The following EIF4E2 variants were observed in gnomAD, a reference collection of about 807,000 sequenced individuals.
The protein encoded by EIF4E2 is eukaryotic translation initiation factor 4E type 2.
Under a neutral mutation model 34.2 loss-of-function variants are expected in EIF4E2, and 13 were observed. The observed-to-expected ratio is 0.38, with a 90% CI of 0.25 to 0.60. The LOEUF (loss-of-function observed/expected upper bound fraction) is 0.60, where lower values mean the gene tolerates loss of function less well. EIF4E2 is among the 20% of genes least tolerant of loss of function. The pLI is 0.62. For synonymous variants in EIF4E2, 100 were observed against 106.6 expected, an observed-to-expected ratio of 0.94 and a Z score of 0.38; for missense variants, 222 against 315.1, an observed-to-expected ratio of 0.70 and a Z score of 2.24.
chr2:232,581,058 G>A lies in EIF4E2; in HGVS notation c.*115G>A, dbSNP rs543658722. Reference sequence around the variant, plus strand: ...CTGAAGGGACGTCCCTGAGCCGTGCGCTCTCCTTTTGCACTCATTCCTGGA... The same window carrying A: ...CTGAAGGGACGTCCCTGAGCCGTGCACTCTCCTTTTGCACTCATTCCTGGA... On this transcript the variant is annotated 3_prime_UTR_variant, in exon 7 of 7. Coordinates refer to the EIF4E2 transcript ENST00000409098. The surrounding 1 kb of genome is among the most constrained non-coding windows in gnomAD (Gnocchi z 5.2). 651 of 1,053,908 alleles carry A rather than the reference G, an allele frequency of 6.2e-4. 1 individual carries two copies. The highest frequency in any genetic ancestry group is 8.5e-4 in the Non-Finnish European group (592 of 694,018). 65.3% of individuals were successfully genotyped at this position (1,053,908 alleles called of 1,614,324 possible).
At chr2:232,562,346 C>T (rs139617421) in intron 3 of EIF4E2, among the ~76,000 whole-genome samples, 6,488 of 152,180 alleles carry the variant, frequency 0.043, 377 homozygotes, top group African/African-American at 0.12. Flanking sequence ...TTTGGAAGGC[C>T]AAGGCAGGTG....
intron 6 of EIF4E2, among the ~76,000 whole-genome samples, chr2:232,576,821 GC>G: frequency 6.6e-6 from 1 of 152,142 alleles, no homozygotes; most frequent in Non-Finnish European, 1.5e-5. Flanking sequence ...TAACATTTTA[GC>G]CCTCTCTCCC....
chr2:232,567,970 A>G (rs1267374788), intron 6 of EIF4E2: 47 of 973,216 alleles, frequency 4.8e-5, no homozygotes, highest in Non-Finnish European at 5.6e-5. Context: ...GTTCTCTCAT[A>G]TGGCCCCATA....
intron 2 of EIF4E2, 146 bp downstream of exon 2, chr2:232,556,676 A>C (rs573237803): frequency 3.2e-6 from 2 of 634,688 alleles, no homozygotes; most frequent in East Asian, 5.6e-5. Context: ...AACATTGTGC[A>C]ATCATTGATG....
At chr2:232,571,608 G>A (rs768278639), downstream of EIF4E2, among the ~76,000 whole-genome samples, 2 of 152,194 alleles carry the variant, frequency 1.3e-5, no homozygotes, top group Non-Finnish European at 2.9e-5. Context: ...AGACTGGCCC[G>A]GCTTCTCTGC....
chr2:232,574,364 T>C, intron 6 of EIF4E2: 22 of 1,549,570 alleles, frequency 1.4e-5, no homozygotes, highest in Non-Finnish European at 1.9e-5. Context: ...CTATCTTCTC[T>C]GTAACCCTGT....
intron 1 of EIF4E2, chr2:232,551,050 C>G: frequency 1.6e-6 from 1 of 618,164 alleles, no homozygotes; most frequent in Non-Finnish European, 3.0e-6. Context: ...TTGCCTGCGA[C>G]GTGGAGGGGT....
chr2:232,582,281 T>C (rs1693377762), exon 7 of EIF4E2: 1 of 152,632 alleles, frequency 6.6e-6, no homozygotes. Context: ...AGGGGATCCT[T>C]GGCCACCTGG....
chr2:232,562,653 A>G (rs1692764080), intron 3 of EIF4E2, among the ~76,000 whole-genome samples: 1 of 152,236 alleles, frequency 6.6e-6, no homozygotes, highest in African/African-American at 2.4e-5. Flanking sequence ...CCAAACTGTT[A>G]AAGCGATTAT....
chr2:232,564,652 C>T (rs1692850672), intron 4 of EIF4E2, among the ~76,000 whole-genome samples: 1 of 152,138 alleles, frequency 6.6e-6, no homozygotes, highest in Non-Finnish European at 1.5e-5. Flanking sequence ...GGAGTTTCAC[C>T]GTGTTAGCCA....
In EIF4E2 at chr2:232,566,880, T is replaced by C; in HGVS notation, c.427T>C (p.Leu143=). The C allele has an allele frequency of 1.9e-6, 3 of 1,613,952 alleles. No individual in the cohort carries two copies. Among genetic ancestry groups the C allele is most frequent in the Non-Finnish European group, 2.5e-6 (3 of 1,179,976 alleles). ...GKWIIRLRKG[L]ASRCWENLIL... is the part of the protein sequence containing the mutation. ...GTGGATTATTCGGCTGCGGAAGGGC[T>C]TGGCCTCCCGTTGCTGGGAGAATCT... is the stretch of plus-strand genomic sequence containing the variant. The change falls in exon 5 of 7, where the codon TTG becomes CTG. Residue 143 remains leucine (L), a synonymous_variant. Transcript: ENST00000258416. This position sits in a 1 kb window ranked among gnomAD's most constrained non-coding sequence, Gnocchi z 4.9.
intron 6 of EIF4E2, among the ~76,000 whole-genome samples, chr2:232,577,273 G>T (rs1447922474): frequency 6.6e-6 from 1 of 152,220 alleles, no homozygotes; most frequent in Non-Finnish European, 1.5e-5. Context: ...GCCAAAGAAT[G>T]TTCTCCTGAA....
intron 3 of EIF4E2, among the ~76,000 whole-genome samples, chr2:232,562,050 C>CAA (rs34306229): frequency 6.6e-6 from 1 of 151,414 alleles, no homozygotes; most frequent in Non-Finnish European, 1.5e-5. Context: ...TTCATCTCTA[C>CAA]AAAAAAAGTA....
downstream of EIF4E2, among the ~76,000 whole-genome samples, chr2:232,572,890 T>A (rs2106253696): frequency 6.6e-6 from 1 of 152,380 alleles, no homozygotes; most frequent in Admixed American, 6.5e-5. Context: ...AACACAGCCA[T>A]GTAATTTCTT....
At chr2:232,580,402 GC>G (rs1032600289) in intron 6 of EIF4E2, among the ~76,000 whole-genome samples, 119 of 152,240 alleles carry the variant, frequency 7.8e-4, no homozygotes, top group African/African-American at 2.8e-3. Context: ...TTTCTAGTGT[GC>G]CCCTTCCACC....
chr2:232,565,019 T>C (rs1214158949), intron 4 of EIF4E2, among the ~76,000 whole-genome samples: 2 of 150,972 alleles, frequency 1.3e-5, no homozygotes, highest in African/African-American at 4.9e-5. Flanking sequence ...AGAAAATAAG[T>C]TTAAAGGCAG....
chr2:232,557,812 C>G, intron 2 of EIF4E2, 72 bp from the exon 3 acceptor site: 4 of 1,551,436 alleles, frequency 2.6e-6, no homozygotes, highest in Non-Finnish European at 3.5e-6. Context: ...AGGATTGACA[C>G]TGCAAAATGT....
chr2:232,559,437 G>GGAA (rs1553582383), intron 3 of EIF4E2, among the ~76,000 whole-genome samples: 1 of 119,094 alleles, frequency 8.4e-6, no homozygotes, highest in East Asian at 2.4e-4. Flanking sequence ...GCTTTGGTTT[G>GGAA]AAAAAAATAA....
rs1242255753 is a variant in EIF4E2 at position 232,574,252 on chromosome 2, T to C, written c.666-6652T>C. The C allele has an allele frequency of 6.4e-6, 10 of 1,550,482 alleles. No homozygotes were observed. In the East Asian group the frequency reaches 2.2e-4, roughly 34 times the overall value. On this transcript the variant is annotated intron_variant, in intron 6 of 6. Coordinates refer to the EIF4E2 transcript ENST00000409098. ...AATGTGCTATTGTGTTTTTTGTCTC[T>C]GGTTTGCCAGGGCCTGGGAGGAGTT... is the stretch of plus-strand genomic sequence containing the variant.
Sources: allele counts gnomAD v4.1 joint callset (sites outside exome capture counted in the v4.1 genomes callset), GRCh38; gene constraint gnomAD v4.1.1; non-coding constraint Gnocchi (gnomAD v3.1); transcripts MANE v1.5; gene names NCBI Gene and HGNC (gene_info 2026-07-23, HGNC 2026-07-21).